Variants in DIAPH2 observed in about 807,000 individuals in gnomAD.
DIAPH2 encodes the protein diaphanous related formin 2.
DIAPH2 carries 35 observed loss-of-function variants against 92.7 expected under a neutral mutation model. The observed-to-expected ratio is 0.38, with a 90% CI of 0.29 to 0.50. The LOEUF is 0.50. Ranked by LOEUF, DIAPH2 falls within the 20% of genes least tolerant of loss-of-function variation. The probability of loss-of-function intolerance (pLI) is 0.94; values close to 1 mark genes in which losing one functional copy is unlikely to be tolerated. For synonymous variants in DIAPH2, 301 were observed against 280.4 expected, an observed-to-expected ratio of 1.07 and a Z score of -0.73; for missense variants, 701 against 819.5, an observed-to-expected ratio of 0.86 and a Z score of 1.77.
chrX:96,930,083 G>C (rs778292776), intron 9 of DIAPH2, among the ~76,000 whole-genome samples: 4 of 110,800 alleles, frequency 3.6e-5, no homozygotes, highest in African/African-American at 1.3e-4. Flanking sequence ...TTGAAAACAA[G>C]CTCTTACATA....
At chrX:97,398,321 C>A (rs1419728505) in intron 25 of DIAPH2, among the ~76,000 whole-genome samples, 2 of 111,879 alleles carry the variant, frequency 1.8e-5, no homozygotes, top group African/African-American at 6.5e-5. Flanking sequence ...GAGGGGAAAT[C>A]GAGATTGAGC....
intron 1 of DIAPH2, among the ~76,000 whole-genome samples, chrX:96,715,299 C>T (rs2063943065): frequency 1.8e-5 from 2 of 111,786 alleles, no homozygotes; most frequent in South Asian, 7.5e-4. Flanking sequence ...ATCTAGGTAG[C>T]AAGGCATTTA....
At chrX:96,795,294 A>G (rs1159507966) in intron 4 of DIAPH2, among the ~76,000 whole-genome samples, 2 of 111,596 alleles carry the variant, frequency 1.8e-5, no homozygotes, top group Admixed American at 9.5e-5. Context: ...TTGAGGGAAA[A>G]GTGATAGTAG....
At chrX:96,705,009 T>C (rs2063877016) in intron 1 of DIAPH2, among the ~76,000 whole-genome samples, 1 of 100,936 alleles carries the variant, frequency 9.9e-6, no homozygotes, top group Non-Finnish European at 2.0e-5. Flanking sequence ...AGTCTTGCTC[T>C]GTTGCCCAGG....
At chrX:97,135,588 C>T (rs943467764) in intron 21 of DIAPH2, among the ~76,000 whole-genome samples, 1 of 110,958 alleles carries the variant, frequency 9.0e-6, no homozygotes, top group Non-Finnish European at 1.9e-5. Flanking sequence ...CCTTTCCACA[C>T]GCATACCATC....
intron 26 of DIAPH2, among the ~76,000 whole-genome samples, chrX:97,525,311 T>C (rs1474584588): frequency 8.9e-6 from 1 of 112,212 alleles, no homozygotes; most frequent in Non-Finnish European, 1.9e-5. Flanking sequence ...CTTTTATAAT[T>C]TTGCCCACTG....
intron 5 of DIAPH2, among the ~76,000 whole-genome samples, chrX:96,893,699 A>G (rs1428529169): frequency 8.9e-6 from 1 of 112,378 alleles, no homozygotes; most frequent in Non-Finnish European, 1.9e-5. Flanking sequence ...ACCAAGGTGT[A>G]CTTGAGAAAT....
chrX:97,524,903 T>A (rs935778085), intron 26 of DIAPH2, among the ~76,000 whole-genome samples: 1 of 112,510 alleles, frequency 8.9e-6, no homozygotes, highest in South Asian at 3.7e-4. Context: ...CAGTTCTTCC[T>A]GGAACTTAAG....
At chrX:96,701,547 G>A (rs758554245) in intron 1 of DIAPH2, 2 of 110,109 alleles carry the variant, frequency 1.8e-5, no homozygotes, top group Non-Finnish European at 3.8e-5. Flanking sequence ...TGGGGAAAGA[G>A]TAGAACAAGG....
intron 22 of DIAPH2, among the ~76,000 whole-genome samples, chrX:97,152,130 G>A (rs1371254460): frequency 9.0e-6 from 1 of 111,560 alleles, no homozygotes; most frequent in African/African-American, 3.3e-5. Flanking sequence ...CAATAAGGAT[G>A]AGCCTGCTTA....
At chrX:97,219,083 T>C (rs1305610694) in intron 22 of DIAPH2, among the ~76,000 whole-genome samples, 1 of 112,095 alleles carries the variant, frequency 8.9e-6, no homozygotes, top group African/African-American at 3.2e-5. Flanking sequence ...TCATATAATT[T>C]GTTGAGTGTA....
intron 22 of DIAPH2, among the ~76,000 whole-genome samples, chrX:97,244,578 T>A (rs1277385582): frequency 7.1e-5 from 8 of 112,010 alleles, no homozygotes; most frequent in African/African-American, 2.6e-4. Flanking sequence ...GGAGCATTCA[T>A]AAGGAAATGA....
chrX:97,250,434 TCA>T (rs1277551528), intron 23 of DIAPH2, among the ~76,000 whole-genome samples: 1 of 112,062 alleles, frequency 8.9e-6, no homozygotes, highest in Non-Finnish European at 1.9e-5. Context: ...GGTTGGATCT[TCA>T]AGTCAGGCTA....
chrX:97,430,416 G>A (rs2147777617), intron 26 of DIAPH2, among the ~76,000 whole-genome samples: 1 of 112,271 alleles, frequency 8.9e-6, no homozygotes, highest in South Asian at 3.7e-4. Context: ...TAATGTAATA[G>A]CTCCTCTAAG....
chrX:96,876,144 C>A (rs1210191432), intron 4 of DIAPH2, among the ~76,000 whole-genome samples: 5 of 111,843 alleles, frequency 4.5e-5, no homozygotes, highest in Admixed American at 9.5e-5. Flanking sequence ...ATGCAGCCAA[C>A]AGACACATGA....
At chrX:96,806,964 G>C (rs1368614000) in intron 4 of DIAPH2, among the ~76,000 whole-genome samples, 2 of 110,895 alleles carry the variant, frequency 1.8e-5, no homozygotes, top group Non-Finnish European at 3.8e-5. Context: ...GGGTGGTCTC[G>C]ATCTCCTGAC....
chrX:97,161,158 G>A (rs763233009), intron 22 of DIAPH2, among the ~76,000 whole-genome samples: 2 of 105,150 alleles, frequency 1.9e-5, no homozygotes, highest in Non-Finnish European at 3.9e-5. Flanking sequence ...TGATCCGAAA[G>A]ACCTGGATTT....
chrX:97,381,626 A>G (rs1405086112), intron 24 of DIAPH2, among the ~76,000 whole-genome samples: 1 of 111,788 alleles, frequency 8.9e-6, no homozygotes, highest in African/African-American at 3.2e-5. Context: ...AAGGCATCAT[A>G]GTAGTGAAAA....
chrX:97,375,739 C>G (rs2069494198), intron 24 of DIAPH2, among the ~76,000 whole-genome samples: 1 of 111,319 alleles, frequency 9.0e-6, no homozygotes, highest in South Asian at 3.8e-4. Flanking sequence ...ATTTTGCCTC[C>G]TGTTATGACT....
Sources: gnomAD v4.1 joint callset for allele counts (sites outside exome capture counted in the v4.1 genomes callset) on GRCh38, gnomAD v4.1.1 for gene constraint, MANE v1.5 for transcripts, NCBI Gene and HGNC (gene_info 2026-07-23, HGNC 2026-07-21) for gene names.